Variants in FLYWCH2 observed in about 807,000 individuals in gnomAD.
FLYWCH2 encodes FLYWCH family member 2.
FLYWCH2 carries 2 observed loss-of-function variants against 6.0 expected under a neutral mutation model. That is an observed-to-expected ratio of 0.33 (90% CI 0.14 to 1.04). FLYWCH2 has a LOEUF of 1.04. FLYWCH2 is among the 50% of genes least tolerant of loss of function. The pLI is 0.45. For synonymous variants in FLYWCH2, 87 were observed against 79.3 expected (o/e 1.10, Z -0.52); for missense variants, 192 against 183.4 (o/e 1.05, Z -0.27).
At chr16:2,894,530 C>T (rs2069795585) in intron 1 of FLYWCH2, among the ~76,000 whole-genome samples, 1 of 152,188 alleles carries the variant, frequency 6.6e-6, no homozygotes, top group Non-Finnish European at 1.5e-5. Flanking sequence ...CCCCAGGTCC[C>T]CGGCATCCCC....
At chr16:2,886,164 C>T (rs925348363) in intron 1 of FLYWCH2, among the ~76,000 whole-genome samples, 20 of 151,854 alleles carry the variant, frequency 1.3e-4, no homozygotes, top group African/African-American at 4.8e-4. Flanking sequence ...GAGCCTTTGC[C>T]CATTATTATT....
At chr16:2,886,311 G>A (rs1410034816) in intron 1 of FLYWCH2, among the ~76,000 whole-genome samples, 1 of 151,984 alleles carries the variant, frequency 6.6e-6, no homozygotes, top group Non-Finnish European at 1.5e-5. Context: ...ATGCTGCGCA[G>A]CCTCCTGAGT....
At chr16:2,884,577 A>AAAAAAAAAAAAAAAAAAAAAAT (rs56399101) in intron 1 of FLYWCH2, among the ~76,000 whole-genome samples, 1 of 140,254 alleles carries the variant, frequency 7.1e-6, no homozygotes, top group Non-Finnish European at 1.6e-5. Context: ...AAAAAAAAAA[A>AAAAAAAAAAAAAAAAAAAAAAT]TACAAAAATT....
chr16:2,884,558 TAA>T (rs1317315836), intron 1 of FLYWCH2, among the ~76,000 whole-genome samples: 11 of 39,286 alleles, frequency 2.8e-4, no homozygotes, highest in East Asian at 4.8e-4. Flanking sequence ...CCGTCTCTAC[TAA>T]AAAAAAAAAA....
At chr16:2,888,129 C>G (rs1025030920) in intron 1 of FLYWCH2, among the ~76,000 whole-genome samples, 2 of 152,044 alleles carry the variant, frequency 1.3e-5, no homozygotes, top group African/African-American at 4.8e-5. Context: ...CTGCCTCAGC[C>G]TTCCGAGTAG....
intron 3 of FLYWCH2, among the ~76,000 whole-genome samples, chr16:2,897,790 G>A (rs1187028817): frequency 2.0e-5 from 3 of 152,250 alleles, no homozygotes; most frequent in Non-Finnish European, 4.4e-5. Flanking sequence ...AGGCAGCAGA[G>A]GAAATGGGCT....
intron 1 of FLYWCH2, among the ~76,000 whole-genome samples, chr16:2,885,690 G>A (rs960959709): frequency 2.6e-5 from 4 of 152,136 alleles, no homozygotes; most frequent in East Asian, 1.9e-4. Context: ...TTTTATACAT[G>A]CACCACATTG....
intron 1 of FLYWCH2, among the ~76,000 whole-genome samples, chr16:2,891,677 T>G (rs2069759558): frequency 6.6e-6 from 1 of 151,472 alleles, no homozygotes; most frequent in Non-Finnish European, 1.5e-5. Context: ...GTGCTGGGAT[T>G]ATAGGCGTGA....
At chr16:2,896,828 C>T (rs1398664186) in intron 3 of FLYWCH2, 57 bp downstream of exon 3, 13 of 1,494,384 alleles carry the variant, frequency 8.7e-6, no homozygotes, top group East Asian at 2.3e-5. Context: ...GTGGCCCCCA[C>T]AGCCGCGCTG....
chr16:2,888,751 C>T (rs1169712024), intron 1 of FLYWCH2, among the ~76,000 whole-genome samples: 1 of 152,080 alleles, frequency 6.6e-6, no homozygotes, highest in Non-Finnish European at 1.5e-5. Context: ...TTCTTCTTGG[C>T]TACCTTGTCC....
At chr16:2,884,677 C>G (rs2069678772) in intron 1 of FLYWCH2, among the ~76,000 whole-genome samples, 1 of 150,480 alleles carries the variant, frequency 6.6e-6, no homozygotes, top group South Asian at 2.1e-4. Context: ...GAGTTCGAGA[C>G]CAGCCTGACC....
At chr16:2,891,754 C>T (rs575730903) in intron 1 of FLYWCH2, among the ~76,000 whole-genome samples, 12 of 151,988 alleles carry the variant, frequency 7.9e-5, no homozygotes, top group Admixed American at 2.0e-4. Flanking sequence ...GATGAGGTCT[C>T]GCTATGTTGC....
intron 1 of FLYWCH2, among the ~76,000 whole-genome samples, chr16:2,891,491 G>A (rs1168339632): frequency 1.3e-5 from 2 of 151,966 alleles, no homozygotes; most frequent in Non-Finnish European, 1.5e-5. Flanking sequence ...TGCAAGCTCC[G>A]CCTCCCGGGT....
At chr16:2,897,415 C>A (rs948083295) in intron 3 of FLYWCH2, among the ~76,000 whole-genome samples, 2 of 152,138 alleles carry the variant, frequency 1.3e-5, no homozygotes, top group African/African-American at 4.8e-5. Context: ...GGGGTGTGGC[C>A]CTAGCTGCTG....
intron 3 of FLYWCH2, chr16:2,898,807 G>C: frequency 2.4e-6 from 1 of 412,564 alleles, no homozygotes; most frequent in Non-Finnish European, 4.3e-6. Flanking sequence ...CGGCTTCCCA[G>C]TGCTCAGCAC....
chr16:2,894,609 C>T (rs1299075034), intron 1 of FLYWCH2, among the ~76,000 whole-genome samples: 2 of 152,328 alleles, frequency 1.3e-5, no homozygotes, highest in Middle Eastern at 3.4e-3. Context: ...TTGGCTTGTC[C>T]GGAGGCGGAC....
At chr16:2,893,634 C>CTTTTTTTTTTT (rs35147234) in intron 1 of FLYWCH2, among the ~76,000 whole-genome samples, 1 of 111,930 alleles carries the variant, frequency 8.9e-6, no homozygotes, top group Non-Finnish European at 1.8e-5. Context: ...TTCTTTTCTT[C>CTTTTTTTTTTT]TTTTTTTTTT....
chr16:2,892,843 A>G (rs8057056), intron 1 of FLYWCH2, among the ~76,000 whole-genome samples: 40,188 of 147,852 alleles, frequency 0.27, 5,505 homozygotes, highest in Admixed American at 0.3. Flanking sequence ...ATTCTGTCTC[A>G]AAAAATAACT....
In FLYWCH2 at chr16:2,899,186, C is replaced by A. The variant is rs1392793378; in HGVS notation, c.*37C>A. ...GGCGCATCCTCCCAGGCCACCAACCCAGCCATAGGCTCTTCTCTGTCCGCA... is the reference window on the plus strand; with the variant it reads ...GGCGCATCCTCCCAGGCCACCAACCAAGCCATAGGCTCTTCTCTGTCCGCA... On this transcript the variant is annotated 3_prime_UTR_variant, in exon 4 of 4. Transcript: ENST00000396958. The A allele has an allele frequency of 6.6e-7, 1 of 1,518,246 alleles. No individual in the cohort carries two copies. The highest frequency in any genetic ancestry group is 9.1e-7 in the Non-Finnish European group (1 of 1,103,060). 94.0% of individuals were successfully genotyped at this position (1,518,246 alleles called of 1,614,324 possible).
Sources: gnomAD v4.1 joint callset for allele counts (sites outside exome capture counted in the v4.1 genomes callset) on GRCh38, gnomAD v4.1.1 for gene constraint, MANE v1.5 for transcripts, NCBI Gene and HGNC (gene_info 2026-07-23, HGNC 2026-07-21) for gene names.